Variants in BTNL8 observed in about 807,000 individuals in gnomAD.
BTNL8 encodes butyrophilin like 8.
Under a neutral mutation model 36.1 loss-of-function variants are expected in BTNL8, and 22 were observed. The observed-to-expected ratio is 0.61, with a 90% CI of 0.44 to 0.87. The LOEUF is 0.87. Among genes scored for constraint, BTNL8 ranks in the 40% least tolerant of loss-of-function variants. BTNL8 has a pLI of 0.00. For missense variants in BTNL8, 526 were observed against 616.9 expected, an observed-to-expected ratio of 0.85 and a Z score of 1.56; for synonymous variants, 203 against 235.6, an observed-to-expected ratio of 0.86 and a Z score of 1.27.
chr5:180,914,580 C>T (rs1303599441), intron 3 of BTNL8, among the ~76,000 whole-genome samples: 1 of 152,108 alleles, frequency 6.6e-6, no homozygotes, highest in Non-Finnish European at 1.5e-5. Flanking sequence ...TCAAAAATAA[C>T]TAAGTGGTCA....
intron 3 of BTNL8, among the ~76,000 whole-genome samples, chr5:180,926,829 C>T (rs974734989): frequency 6.6e-6 from 1 of 152,198 alleles, no homozygotes. Flanking sequence ...CAGTCAAGGG[C>T]TTAGAGATAA....
chr5:180,902,001 G>A (rs1477500499), intron 1 of BTNL8, among the ~76,000 whole-genome samples: 1 of 152,162 alleles, frequency 6.6e-6, no homozygotes, highest in Non-Finnish European at 1.5e-5. Context: ...ATAATTGTGT[G>A]CGCCATGGGC....
chr5:180,926,623 C>T (rs892062660), intron 3 of BTNL8, among the ~76,000 whole-genome samples: 16 of 152,168 alleles, frequency 1.1e-4, no homozygotes, highest in African/African-American at 3.4e-4. Context: ...CCAGGACACT[C>T]GAGCTTGGTG....
At chr5:180,932,298 A>C (rs757297335) in intron 3 of BTNL8, among the ~76,000 whole-genome samples, 1 of 152,208 alleles carries the variant, frequency 6.6e-6, no homozygotes, top group Non-Finnish European at 1.5e-5. Flanking sequence ...TGGCACATGT[A>C]TACCTATGTA....
intron 1 of BTNL8, among the ~76,000 whole-genome samples, chr5:180,901,748 A>G (rs1307477279): frequency 3.9e-5 from 6 of 152,218 alleles, no homozygotes; most frequent in Non-Finnish European, 7.4e-5. Flanking sequence ...TTTTTTAAAA[A>G]AAATGAAGGC....
chr5:180,908,783 G>T lies in BTNL8; in HGVS notation c.247G>T (p.Gly83Cys). 1.2e-6 allele frequency: 2 copies of T among 1,614,192 alleles called. No individual in the cohort carries two copies. The highest frequency in any genetic ancestry group is 1.7e-6 in the Non-Finnish European group (2 of 1,180,040). Residue 83 changes from glycine (G) to cysteine (C), a missense_variant, in exon 2 of 8, where the codon GGC becomes TGC. By Grantham distance (159) the Gly-to-Cys change is radical. Around this residue, in one of 2 missense-constraint regions of BTNL8, gnomAD observed 350 missense variants for 324.6 expected, o/e 1.08. Coordinates refer to ENST00000340184, the MANE Select transcript of BTNL8 (RefSeq NM_001040462.3). The part of the protein sequence containing the change: ...QPFMQMPQYQ[G>C]RTKLVKDSIA... The stretch of plus-strand genomic sequence containing the variant: ...ATTTATGCAGATGCCACAGTATCAA[G>T]GCAGGACAAAACTGGTGAAGGATTC...
In BTNL8 at chr5:180,911,762, A is replaced by G. The variant is rs1757414280; in HGVS notation, c.673+148A>G. On this transcript the variant is annotated intron_variant, in intron 3 of 7. Coordinates refer to ENST00000340184, the MANE Select transcript of BTNL8 (RefSeq NM_001040462.3). ...AAGTTTAAAATCAATGAGATGTAAA[A>G]GTAAAGTTATAAACATTTGGTTAGG... The G allele has an allele frequency of 4.6e-6, 4 of 862,872 alleles. No homozygotes were observed. The South Asian group carries it at 7.5e-5, about 16-fold the overall frequency. 53.5% of individuals were successfully genotyped at this position (862,872 alleles called of 1,614,324 possible). A position where few individuals can be genotyped will look rare whatever the true frequency, so the allele number is the denominator to read the frequency against.
intron 1 of BTNL8, among the ~76,000 whole-genome samples, chr5:180,900,780 C>T (rs6894944): frequency 0.039 from 5,999 of 152,246 alleles, 409 homozygotes; most frequent in African/African-American, 0.14. Flanking sequence ...AGCGTTGCTG[C>T]GGTGGCAACT....
At chr5:180,926,483 C>A (rs1582038379) in intron 3 of BTNL8, among the ~76,000 whole-genome samples, 1 of 152,152 alleles carries the variant, frequency 6.6e-6, no homozygotes, top group Non-Finnish European at 1.5e-5. Context: ...ACCATTCACT[C>A]CCCTGGAAAG....
intron 3 of BTNL8, among the ~76,000 whole-genome samples, chr5:180,923,978 G>A (rs1223115436): frequency 8.5e-5 from 13 of 152,108 alleles, no homozygotes; most frequent in Admixed American, 7.9e-4. Context: ...AAAATAAGAG[G>A]AGAGACACAT....
chr5:180,911,366 T>C lies in BTNL8; in HGVS notation c.425T>C (p.Ile142Thr). 6.2e-7 allele frequency: 1 copy of C among 1,614,160 alleles called. No homozygotes were observed. The highest frequency in any genetic ancestry group is 1.1e-5 in the South Asian group (1 of 91,082). Reference sequence around the variant, plus strand: ...CTGGGCTCAGTTCCTCTCATTTCCATCACGGGATATGTTGATAGAGACATC... The same window carrying C: ...CTGGGCTCAGTTCCTCTCATTTCCACCACGGGATATGTTGATAGAGACATC... ...SALGSVPLISITGYVDRDIQL... is the reference protein window; with the variant it reads ...SALGSVPLISTTGYVDRDIQL... Residue 142 changes from isoleucine (I) to threonine (T), a missense_variant, in exon 3 of 8, where the codon ATC becomes ACC. By Grantham distance (89) the Ile-to-Thr change is moderately conservative (BLOSUM62 -1). Around this residue, in one of 2 missense-constraint regions of BTNL8, gnomAD observed 350 missense variants for 324.6 expected, o/e 1.08. Coordinates refer to ENST00000340184, the MANE Select transcript of BTNL8 (RefSeq NM_001040462.3).
chr5:180,915,570 C>T (rs1445962273), intron 3 of BTNL8, among the ~76,000 whole-genome samples: 1 of 152,174 alleles, frequency 6.6e-6, no homozygotes, highest in Non-Finnish European at 1.5e-5. Flanking sequence ...AGTATCTAGC[C>T]AGGCTGACTG....
chr5:180,947,787 C>G (rs747345842), intron 4 of BTNL8, 162 bp downstream of exon 4: 1 of 1,603,906 alleles, frequency 6.2e-7, no homozygotes, highest in African/African-American at 1.3e-5. Context: ...ATTCTAACAT[C>G]TCTTCCTCTG....
chr5:180,922,129 T>G (rs1340170137), intron 3 of BTNL8, among the ~76,000 whole-genome samples: 1 of 152,048 alleles, frequency 6.6e-6, no homozygotes, highest in African/African-American at 2.4e-5. Context: ...TTTTATTAAT[T>G]TTTTTCAAAA....
intron 3 of BTNL8, among the ~76,000 whole-genome samples, chr5:180,920,046 A>G (rs1035445246): frequency 5.3e-5 from 8 of 152,218 alleles, no homozygotes; most frequent in Non-Finnish European, 1.0e-4. Context: ...TGGGATCACA[A>G]AAGACCCTGA....
intron 3 of BTNL8, among the ~76,000 whole-genome samples, chr5:180,940,754 G>C (rs1402902095): frequency 2.6e-5 from 4 of 152,008 alleles, no homozygotes; most frequent in African/African-American, 9.7e-5. Context: ...AAATACAAAG[G>C]ATCATTGGAG....
chr5:180,925,186 T>C (rs1758038682), intron 3 of BTNL8, among the ~76,000 whole-genome samples: 1 of 152,172 alleles, frequency 6.6e-6, no homozygotes, highest in Non-Finnish European at 1.5e-5. Flanking sequence ...TTTTGCATAA[T>C]AGGAGTTTCA....
chr5:180,913,625 A>T (rs1270133205), intron 3 of BTNL8, among the ~76,000 whole-genome samples: 5 of 152,202 alleles, frequency 3.3e-5, no homozygotes, highest in Non-Finnish European at 7.4e-5. Context: ...CCTGCATTTA[A>T]TGTTGCAGCT....
chr5:180,902,228 T>C, intron 1 of BTNL8: 2 of 839,804 alleles, frequency 2.4e-6, no homozygotes, highest in East Asian at 2.8e-5. Flanking sequence ...TGGGAGAGAA[T>C]GTGGCAATAG....
Sources: gnomAD v4.1 joint callset for allele counts (sites outside exome capture counted in the v4.1 genomes callset) on GRCh38, gnomAD v4.1.1 for gene constraint, gnomAD v4.1.1 regional missense constraint, MANE v1.5 for transcripts, NCBI Gene and HGNC (gene_info 2026-07-23, HGNC 2026-07-21) for gene names.